Variants in KCNJ8 observed in about 807,000 individuals in gnomAD.
The protein encoded by KCNJ8 is potassium inwardly rectifying channel subfamily J member 8, also known as ATP-sensitive inward rectifier potassium channel 8.
A neutral mutation model predicts 28.2 loss-of-function variants in KCNJ8; 13 were observed. That is an observed-to-expected ratio of 0.46 (90% CI 0.30 to 0.73). The LOEUF (loss-of-function observed/expected upper bound fraction) is 0.73. Among genes scored for constraint, KCNJ8 ranks in the 30% least tolerant of loss-of-function variants. The pLI is 0.07. For missense variants in KCNJ8, 284 were observed against 542.6 expected, an observed-to-expected ratio of 0.52 and a Z score of 4.73; for synonymous variants, 188 against 195.9, an observed-to-expected ratio of 0.96 and a Z score of 0.34.
At position 21,767,323 on chromosome 12, in the gene KCNJ8, A is replaced by AC. The variant is rs1490104524; in HGVS notation, c.375-701dup. Among the ~76,000 whole-genome samples the AC allele has an allele frequency of 4.1e-3, 164 of 40,490 alleles. 2 individuals carry two copies. The highest frequency in any genetic ancestry group is 0.019 in the African/African-American group (159 of 8,160). 26.6% of individuals were successfully genotyped at this position (40,490 alleles called of 152,430 possible). A position where few individuals can be genotyped will look rare whatever the true frequency, so the allele number is the denominator to read the frequency against. ...GGGGTCCCCAACCCCCCCCCCCCCC[A>AC]CCTCCAGGCCAGGGACCAGTGCTGG... On this transcript the variant is annotated intron_variant, in intron 2 of 2. Transcript: ENST00000240662.
At chr12:21,772,986 A>G (rs906129899) in intron 2 of KCNJ8, among the ~76,000 whole-genome samples, 7 of 152,058 alleles carry the variant, frequency 4.6e-5, no homozygotes, top group African/African-American at 1.7e-4. Flanking sequence ...TTTTTTTTTG[A>G]TAACTGGTAT....
chr12:21,771,115 A>G (rs1187550107), intron 2 of KCNJ8, among the ~76,000 whole-genome samples: 1 of 152,208 alleles, frequency 6.6e-6, no homozygotes, highest in Non-Finnish European at 1.5e-5. Flanking sequence ...TAGCCCCAAA[A>G]CATGGCAAGA....
At chr12:21,771,470 C>T (rs1940753883) in intron 2 of KCNJ8, among the ~76,000 whole-genome samples, 2 of 152,146 alleles carry the variant, frequency 1.3e-5, no homozygotes, top group Non-Finnish European at 2.9e-5. Context: ...GTCAAAGAGA[C>T]TCCTTGCAGG....
intron 2 of KCNJ8, among the ~76,000 whole-genome samples, chr12:21,768,254 C>T (rs957758583): frequency 1.3e-5 from 2 of 152,208 alleles, no homozygotes; most frequent in Non-Finnish European, 2.9e-5. Context: ...TGCTCACCTC[C>T]TGCTATGTGG....
Position 21,773,425 on chromosome 12 carries a change from C to G in KCNJ8, c.192G>C (p.Leu64Phe). The change falls in exon 2 of 3, where the codon TTG becomes TTC. Residue 64 changes from leucine (L) to phenylalanine (F), a missense_variant. Physicochemically the swap from Leu to Phe is conservative, Grantham distance 22. This residue lies in a region of KCNJ8 where 9 missense variants were observed against 42.8 expected (regional missense o/e 0.21). Coordinates refer to ENST00000240662, the MANE Select transcript of KCNJ8 (RefSeq NM_004982.4). This position sits in a 1 kb window ranked among gnomAD's most constrained non-coding sequence, Gnocchi z 4.6. ...GRFLQDIFTTLVDLKWRHTLV... is the reference protein window; with the variant it reads ...GRFLQDIFTTFVDLKWRHTLV... The stretch of plus-strand genomic sequence containing the variant: ...GCGTGTGGCGCCATTTCAGGTCCAC[C>G]AAGGTGGTGAAGATGTCCTGTAGAA... The G allele has an allele frequency of 6.2e-7, 1 of 1,614,250 alleles. No homozygotes were observed. The highest frequency in any genetic ancestry group is 2.2e-5 in the East Asian group (1 of 44,882).
chr12:21,774,029 T>C (rs548865034), intron 1 of KCNJ8, among the ~76,000 whole-genome samples: 2 of 152,324 alleles, frequency 1.3e-5, no homozygotes, highest in South Asian at 2.1e-4. Flanking sequence ...CTACAGCACG[T>C]GGCGTCAGTC....
At chr12:21,767,312 C>G (rs926823674) in intron 2 of KCNJ8, among the ~76,000 whole-genome samples, 3 of 111,466 alleles carry the variant, frequency 2.7e-5, no homozygotes, top group South Asian at 3.5e-4. Flanking sequence ...TCCCCAACCC[C>G]CCCCCCCCCC....
chr12:21,768,356 A>C (rs1320388901), intron 2 of KCNJ8, among the ~76,000 whole-genome samples: 1 of 152,208 alleles, frequency 6.6e-6, no homozygotes, highest in Non-Finnish European at 1.5e-5. Flanking sequence ...TGCCCATATA[A>C]GATGGCAAAC....
At position 21,773,832 on chromosome 12, in the gene KCNJ8, AGCTTGT is replaced by A. The variant is rs1940821129; in HGVS notation, c.-70-152_-70-147del. 2 of 619,940 alleles carry A rather than the reference AGCTTGT, an allele frequency of 3.2e-6. No homozygotes were observed. The highest frequency in any genetic ancestry group is 3.7e-5 in the African/African-American group (2 of 54,116). 38.4% of individuals were successfully genotyped at this position (619,940 alleles called of 1,614,324 possible). On this transcript the variant is annotated intron_variant, in intron 1 of 2. Transcript: ENST00000240662. The surrounding 1 kb of genome is among the most constrained non-coding windows in gnomAD (Gnocchi z 4.6). ...TTTTTACTAACCCAAACATGAATCT[AGCTTGT>A]GCTTGAGTTCTGGGATCTCAGAAAA...
At position 21,765,547 on chromosome 12, in the gene KCNJ8, A is replaced by G. The variant is rs1940597147; in HGVS notation, c.*176T>C. The G allele has an allele frequency of 6.1e-6, 4 of 658,788 alleles. No individual in the cohort carries two copies. The South Asian group carries it at 7.1e-5, about 12-fold the overall frequency. 40.8% of individuals were successfully genotyped at this position (658,788 alleles called of 1,614,324 possible). A position where few individuals can be genotyped will look rare whatever the true frequency, so the allele number is the denominator to read the frequency against. ...AACAAGCATAAGCCATGAATCCTCC[A>G]CTTGGTGTGTTACTTTTTATTACTA... On this transcript the variant is annotated 3_prime_UTR_variant, in exon 3 of 3. Transcript: ENST00000240662.
At chr12:21,769,147 T>C (rs1306413088) in intron 2 of KCNJ8, among the ~76,000 whole-genome samples, 1 of 152,202 alleles carries the variant, frequency 6.6e-6, no homozygotes, top group Non-Finnish European at 1.5e-5. Flanking sequence ...TCAGGCTAAC[T>C]CTTGTTAGGA....
intron 2 of KCNJ8, among the ~76,000 whole-genome samples, chr12:21,770,476 T>A (rs1326539044): frequency 6.6e-6 from 1 of 152,218 alleles, no homozygotes; most frequent in Non-Finnish European, 1.5e-5. Context: ...TACCTGTAAT[T>A]AATATTATAC....
intron 2 of KCNJ8, among the ~76,000 whole-genome samples, chr12:21,770,657 G>GA (rs1338698733): frequency 6.6e-6 from 1 of 152,188 alleles, no homozygotes; most frequent in African/African-American, 2.4e-5. Flanking sequence ...AGATGCTTTT[G>GA]AAAAGTTCTC....
intron 1 of KCNJ8, among the ~76,000 whole-genome samples, 155 bp downstream of exon 1, chr12:21,774,391 A>T (rs1206950845): frequency 6.6e-6 from 1 of 151,470 alleles, no homozygotes; most frequent in Non-Finnish European, 1.5e-5. Flanking sequence ...GGGGGGAAAA[A>T]ACCCAAGACA....
intron 2 of KCNJ8, among the ~76,000 whole-genome samples, chr12:21,770,378 G>C (rs981067708): frequency 6.6e-6 from 1 of 152,010 alleles, no homozygotes; most frequent in Non-Finnish European, 1.5e-5. Flanking sequence ...ATATGCACTG[G>C]GAAACAAAAG....
At position 21,773,269 on chromosome 12, in the gene KCNJ8, C is replaced by T. The variant is rs1940803247; in HGVS notation, c.348G>A (p.Glu116=). 6.2e-7 allele frequency: 1 copy of T among 1,613,712 alleles called. No homozygotes were observed. The highest frequency in any genetic ancestry group is 1.3e-5 in the African/African-American group (1 of 74,942). ...TGACATTAGTCACACACACAGTGGA[C>T]TCCAAACCACTTTTCTCCATTCCAC... ...EKSGMEKSGL[E]STVCVTNVRS... Residue 116 remains glutamate, a synonymous_variant, in exon 2 of 3, where the codon GAG becomes GAA. Coordinates refer to ENST00000240662, the MANE Select transcript of KCNJ8 (RefSeq NM_004982.4). The surrounding 1 kb of genome is among the most constrained non-coding windows in gnomAD (Gnocchi z 4.6).
intron 2 of KCNJ8, among the ~76,000 whole-genome samples, chr12:21,771,005 G>A (rs1232717738): frequency 6.6e-6 from 1 of 152,186 alleles, no homozygotes; most frequent in African/African-American, 2.4e-5. Flanking sequence ...GCTTTTAAGT[G>A]AAGTGCGAAA....
chr12:21,774,385 G>A (rs1326552786), intron 1 of KCNJ8, among the ~76,000 whole-genome samples, 161 bp downstream of exon 1: 2 of 151,250 alleles, frequency 1.3e-5, no homozygotes, highest in Non-Finnish European at 2.9e-5. Context: ...GGTGCGGGGG[G>A]GAAAAAACCC....
chr12:21,771,301 G>C (rs1352338016), intron 2 of KCNJ8, among the ~76,000 whole-genome samples: 2 of 152,164 alleles, frequency 1.3e-5, no homozygotes, highest in African/African-American at 2.4e-5. Flanking sequence ...ATTACATATG[G>C]TACAAGACCC....
Sources: gnomAD v4.1 joint callset for allele counts (sites outside exome capture counted in the v4.1 genomes callset) on GRCh38, gnomAD v4.1.1 for gene constraint, gnomAD v4.1.1 regional missense constraint, Gnocchi (gnomAD v3.1) non-coding constraint, MANE v1.5 for transcripts, NCBI Gene and HGNC (gene_info 2026-07-23, HGNC 2026-07-21) for gene names.